RBFOX1: variants seen among roughly 807,000 people sequenced by gnomAD.
RBFOX1 encodes RNA binding protein fox-1 homolog 1.
A neutral mutation model predicts 57.7 loss-of-function variants in RBFOX1; 8 were observed. That is an observed-to-expected ratio of 0.14 (90% CI 0.08 to 0.25). The LOEUF is 0.25. Among genes scored for constraint, RBFOX1 ranks in the 10% least tolerant of loss-of-function variants. RBFOX1 has a pLI of 1.00. For missense variants in RBFOX1, 611 were observed against 548.5 expected, an observed-to-expected ratio of 1.11 and a Z score of -1.14; for synonymous variants, 326 against 222.4, an observed-to-expected ratio of 1.47 and a Z score of -4.15.
intron 11 of RBFOX1, among the ~76,000 whole-genome samples, chr16:7,640,260 A>G (rs1272427045): frequency 6.6e-6 from 1 of 152,232 alleles, no homozygotes; most frequent in Non-Finnish European, 1.5e-5. Context: ...CCACTAGTAG[A>G]ACCTCTCACC....
upstream of RBFOX1, among the ~76,000 whole-genome samples, chr16:6,017,811 A>G (rs1596413082): frequency 6.6e-6 from 1 of 152,242 alleles, no homozygotes; most frequent in South Asian, 2.1e-4. Context: ...GCTAGGAAAT[A>G]CACGTACATC....
chr16:6,809,172 C>T (rs1454574688), intron 3 of RBFOX1, among the ~76,000 whole-genome samples: 2 of 152,176 alleles, frequency 1.3e-5, no homozygotes, highest in Non-Finnish European at 2.9e-5. Flanking sequence ...TAAGTCATTT[C>T]CCTTTTTCTG....
At chr16:5,921,818 G>A (rs1216277498) in intron 4 of RBFOX1, among the ~76,000 whole-genome samples, 1 of 151,852 alleles carries the variant, frequency 6.6e-6, no homozygotes, top group African/African-American at 2.4e-5. Flanking sequence ...GAGAGGGAGG[G>A]AGCAAGAGAG....
chr16:7,314,297 T>A (rs1054565207), intron 4 of RBFOX1, among the ~76,000 whole-genome samples: 1 of 152,202 alleles, frequency 6.6e-6, no homozygotes, highest in Non-Finnish European at 1.5e-5. Flanking sequence ...GCACCACTGC[T>A]TTTGTTCACT....
intron 1 of RBFOX1, among the ~76,000 whole-genome samples, chr16:5,460,934 G>T (rs970817149): frequency 6.6e-6 from 1 of 152,174 alleles, no homozygotes; most frequent in South Asian, 2.1e-4. Context: ...AGGAAGGGGG[G>T]TGGGTGGTGA....
chr16:6,176,313 ATTTTTTTTTTT>A (rs34667158), intron 1 of RBFOX1, among the ~76,000 whole-genome samples: 1 of 95,256 alleles, frequency 1.0e-5, no homozygotes, highest in Non-Finnish European at 1.9e-5. Flanking sequence ...GCCTGACCAA[ATTTTTTTTTTT>A]TTTTTTTTTT....
At chr16:6,694,877 G>A (rs955493781) in intron 3 of RBFOX1, among the ~76,000 whole-genome samples, 31 of 151,888 alleles carry the variant, frequency 2.0e-4, no homozygotes, top group African/African-American at 7.5e-4. Flanking sequence ...GAACCACACG[G>A]CAACACACAG....
At chr16:6,459,369 C>T (rs2094854397) in intron 2 of RBFOX1, among the ~76,000 whole-genome samples, 1 of 152,134 alleles carries the variant, frequency 6.6e-6, no homozygotes, top group Admixed American at 6.5e-5. Context: ...CTCGGCTTAC[C>T]ATGCCATCCT....
chr16:5,484,521 G>A (rs952315530), intron 2 of RBFOX1, among the ~76,000 whole-genome samples: 2 of 152,222 alleles, frequency 1.3e-5, no homozygotes, highest in African/African-American at 4.8e-5. Flanking sequence ...GCCCATGCCT[G>A]TAATCCAGCC....
chr16:6,981,726 A>G (rs1440252065), intron 3 of RBFOX1, among the ~76,000 whole-genome samples: 1 of 152,128 alleles, frequency 6.6e-6, no homozygotes, highest in Non-Finnish European at 1.5e-5. Flanking sequence ...TGAGAACAGC[A>G]CATGAAAGAC....
At chr16:6,427,693 T>C (rs1321076584) in intron 2 of RBFOX1, among the ~76,000 whole-genome samples, 9 of 152,232 alleles carry the variant, frequency 5.9e-5, no homozygotes, top group Non-Finnish European at 1.2e-4. Context: ...ACTAGTATGA[T>C]ATAATTCTAT....
chr16:6,365,861 T>C (rs1182733366), intron 2 of RBFOX1, among the ~76,000 whole-genome samples: 1 of 152,208 alleles, frequency 6.6e-6, no homozygotes, highest in African/African-American at 2.4e-5. Context: ...TCTAGGCAGA[T>C]AGTGTTTAAC....
Position 6,565,231 on chromosome 16 carries a change from C to G in RBFOX1, c.-63-89372C>G, listed in dbSNP as rs533341701. Among the ~76,000 whole-genome samples the G allele has an allele frequency of 1.4e-3, 213 of 150,710 alleles. 2 individuals are homozygous for G. The highest frequency in any genetic ancestry group is 2.1e-3 in the Non-Finnish European group (139 of 67,748). On this transcript the variant is annotated intron_variant, in intron 2 of 15. Transcript: ENST00000550418. ...CAAAGTACAAATAGCCATAGGCCCC[C>G]AAATGTGAAATGACTTTTTCTTTTC... is the stretch of plus-strand genomic sequence containing the variant.
At chr16:7,475,491 T>C (rs1171248001) in intron 4 of RBFOX1, among the ~76,000 whole-genome samples, 1 of 152,060 alleles carries the variant, frequency 6.6e-6, no homozygotes, top group African/African-American at 2.4e-5. Flanking sequence ...ACTTTTTGTA[T>C]TTTTAGTAGA....
intron 2 of RBFOX1, among the ~76,000 whole-genome samples, chr16:6,326,766 T>C (rs953588975): frequency 1.3e-5 from 2 of 152,078 alleles, no homozygotes; most frequent in African/African-American, 4.8e-5. Flanking sequence ...GCAGATTGAC[T>C]AGTGATCGGT....
At chr16:7,213,652 C>T (rs577701972) in intron 4 of RBFOX1, among the ~76,000 whole-genome samples, 3 of 152,146 alleles carry the variant, frequency 2.0e-5, no homozygotes, top group African/African-American at 7.2e-5. Flanking sequence ...TTGAGATGAG[C>T]TATCTCATTT....
chr16:6,873,303 T>C (rs535979499), intron 3 of RBFOX1, among the ~76,000 whole-genome samples: 7 of 152,276 alleles, frequency 4.6e-5, no homozygotes, highest in Non-Finnish European at 8.8e-5. Context: ...TTTAACACCT[T>C]GAGCTTCCTT....
At chr16:7,552,609 T>C (rs2086901042) in intron 5 of RBFOX1, among the ~76,000 whole-genome samples, 1 of 152,218 alleles carries the variant, frequency 6.6e-6, no homozygotes. Context: ...CCATAGTTCA[T>C]GACCCTATAA....
chr16:5,448,186 C>G (rs763870049), intron 1 of RBFOX1, among the ~76,000 whole-genome samples: 8 of 152,234 alleles, frequency 5.3e-5, no homozygotes, highest in Non-Finnish European at 1.2e-4. Context: ...GCTAAGCCTC[C>G]GCATCTTCAA....
Sources: gnomAD v4.1 joint callset for allele counts (sites outside exome capture counted in the v4.1 genomes callset) on GRCh38, gnomAD v4.1.1 for gene constraint, MANE v1.5 for transcripts, NCBI Gene and HGNC (gene_info 2026-07-23, HGNC 2026-07-21) for gene names.